ST7: variants seen among roughly 807,000 people sequenced by gnomAD.
ST7 encodes suppressor of tumorigenicity 7 protein.
ST7 carries 28 observed loss-of-function variants against 78.7 expected under a neutral mutation model. That is an observed-to-expected ratio of 0.36 (90% confidence interval 0.26 to 0.49). The LOEUF (loss-of-function observed/expected upper bound fraction) is 0.49. Among genes scored for constraint, ST7 ranks in the 20% least tolerant of loss-of-function variants. ST7 has a pLI of 0.99. For missense variants in ST7, 418 were observed against 696.0 expected (o/e 0.60, Z 4.49); for synonymous variants, 247 against 249.6 (o/e 0.99, Z 0.10).
chr7:116,999,808 C>CTTTTT (rs71148356), intron 1 of ST7, among the ~76,000 whole-genome samples: 1,107 of 104,294 alleles, frequency 0.011, 9 homozygotes, highest in East Asian at 0.016. Context: ...AATTTTCTTT[C>CTTTTT]TTTTTTTTTT....
At chr7:117,153,718 A>T (rs1464790055) in intron 9 of ST7, among the ~76,000 whole-genome samples, 1 of 152,196 alleles carries the variant, frequency 6.6e-6, no homozygotes, top group Non-Finnish European at 1.5e-5. Flanking sequence ...TTTACTTCAA[A>T]GAGGTGGTTG....
rs562653600 is a variant in ST7 at position 117,136,187 on chromosome 7, C to T, written c.817C>T (p.Arg273Cys). The change falls in exon 8 of 16, where the codon CGC becomes TGC. Residue 273 changes from arginine (R) to cysteine (C), a missense_variant. Physicochemically the swap from Arg to Cys is radical, Grantham distance 180. Coordinates refer to ENST00000323984, the MANE Select transcript of ST7 (RefSeq NM_001369598.1). ...GAAGGCTGGAGATGGCTGTTACCGA[C>T]GCTCTCAGCAGCTACAACATCATGG... ...ALKAGDGCYR[R>C]SQQLQHHGSQ... 148 of 1,613,594 alleles carry T rather than the reference C, an allele frequency of 9.2e-5. No individual in the cohort carries two copies. Among genetic ancestry groups the T allele is most frequent in the Middle Eastern group, 1.7e-4 (1 of 6,058 alleles).
At chr7:117,169,699 C>T (rs1173085648) in intron 9 of ST7, among the ~76,000 whole-genome samples, 11 of 152,042 alleles carry the variant, frequency 7.2e-5, no homozygotes, top group Non-Finnish European at 1.6e-4. Flanking sequence ...GCTACTGTAC[C>T]TGGGCTGCTG....
intron 14 of ST7, among the ~76,000 whole-genome samples, chr7:117,220,092 T>C (rs1792978048): frequency 6.6e-6 from 1 of 152,164 alleles, no homozygotes; most frequent in South Asian, 2.1e-4. Flanking sequence ...AGCTGTAACA[T>C]ATAAGTACTT....
At chr7:117,112,933 C>G (rs1168840336) in intron 2 of ST7, among the ~76,000 whole-genome samples, 1 of 152,142 alleles carries the variant, frequency 6.6e-6, no homozygotes, top group Non-Finnish European at 1.5e-5. Flanking sequence ...CTGCAGGGGA[C>G]CCCGTGTCAG....
chr7:117,002,813 CTTTTTTTT>C (rs397970060), intron 1 of ST7, among the ~76,000 whole-genome samples: 22 of 72,142 alleles, frequency 3.0e-4, no homozygotes, highest in Admixed American at 4.7e-4. Context: ...ATTTTTTTTC[CTTTTTTTT>C]TTTTTTTTTT....
chr7:117,184,993 C>A (rs1432445777), intron 10 of ST7, among the ~76,000 whole-genome samples: 3 of 151,984 alleles, frequency 2.0e-5, no homozygotes, highest in Non-Finnish European at 4.4e-5. Context: ...CAAGCCTCAC[C>A]CTTTTTTGTG....
chr7:117,038,513 T>C (rs1292099999), intron 1 of ST7, among the ~76,000 whole-genome samples: 1 of 152,218 alleles, frequency 6.6e-6, no homozygotes, highest in Non-Finnish European at 1.5e-5. Context: ...GTTCTGCCCT[T>C]GACTGGGCTA....
chr7:117,050,946 GA>G (rs1797761159), intron 1 of ST7, among the ~76,000 whole-genome samples: 3 of 137,988 alleles, frequency 2.2e-5, no homozygotes, highest in Non-Finnish European at 4.7e-5. Flanking sequence ...AAAAAAAAAA[GA>G]AAAGAAAATA....
At chr7:117,014,996 T>C in intron 1 of ST7, 1 of 1,370,986 alleles carries the variant, frequency 7.3e-7, no homozygotes, top group Non-Finnish European at 9.6e-7. Context: ...TGCTTACTGC[T>C]TCATTATGGA....
intron 4 of ST7, 66 bp downstream of exon 4, chr7:117,129,913 T>C (rs935212601): frequency 7.5e-7 from 1 of 1,328,586 alleles, no homozygotes; most frequent in Non-Finnish European, 1.1e-6. Flanking sequence ...GCAGCAAATG[T>C]TTTTGCTGGT....
chr7:117,162,579 A>C (rs185389704), intron 9 of ST7, among the ~76,000 whole-genome samples: 79 of 151,596 alleles, frequency 5.2e-4, no homozygotes, highest in African/African-American at 1.8e-3. Context: ...ATAATGGACT[A>C]AACAGTCTCT....
intron 12 of ST7, among the ~76,000 whole-genome samples, chr7:117,204,687 C>T (rs933206457): frequency 6.6e-6 from 1 of 152,124 alleles, no homozygotes; most frequent in African/African-American, 2.4e-5. Context: ...CTCAGAACTC[C>T]TTATTGATGT....
intron 1 of ST7, among the ~76,000 whole-genome samples, chr7:116,958,369 A>T (rs1562976467): frequency 6.6e-6 from 1 of 152,008 alleles, no homozygotes; most frequent in African/African-American, 2.4e-5. Flanking sequence ...TGTTGACGTG[A>T]TATAGAACTT....
At chr7:116,968,463 CT>C in intron 1 of ST7, 1 of 452,826 alleles carries the variant, frequency 2.2e-6, no homozygotes, top group South Asian at 1.6e-5. Context: ...CTGCCTCAAC[CT>C]TCTGATTATT....
intron 9 of ST7, among the ~76,000 whole-genome samples, chr7:117,165,552 G>A (rs1807485271): frequency 6.6e-6 from 1 of 152,126 alleles, no homozygotes; most frequent in Non-Finnish European, 1.5e-5. Flanking sequence ...GAAATTTAAA[G>A]CCTTTAAAAA....
chr7:116,992,122 T>A (rs896781885), intron 1 of ST7, among the ~76,000 whole-genome samples: 1 of 152,204 alleles, frequency 6.6e-6, no homozygotes, highest in African/African-American at 2.4e-5. Context: ...CTGTGGCTGT[T>A]CCAGGTTCAT....
intron 1 of ST7, among the ~76,000 whole-genome samples, chr7:117,038,943 A>G (rs1215831026): frequency 6.6e-6 from 1 of 152,172 alleles, no homozygotes; most frequent in Non-Finnish European, 1.5e-5. Flanking sequence ...ATTATTTTAT[A>G]TATATTACTT....
intron 9 of ST7, among the ~76,000 whole-genome samples, chr7:117,139,773 A>C (rs958033670): frequency 3.3e-5 from 5 of 152,230 alleles, no homozygotes; most frequent in African/African-American, 1.2e-4. Flanking sequence ...AATTCAAAGA[A>C]TGTTATATGG....
Sources: gnomAD v4.1 joint callset for allele counts (sites outside exome capture counted in the v4.1 genomes callset) on GRCh38, gnomAD v4.1.1 for gene constraint, MANE v1.5 for transcripts, NCBI Gene and HGNC (gene_info 2026-07-23, HGNC 2026-07-21) for gene names.